Variants in ATP11B observed in about 807,000 individuals in gnomAD.
ATP11B encodes the protein ATPase phospholipid transporting 11B (putative).
Under a neutral mutation model 157.8 loss-of-function variants are expected in ATP11B, and 81 were observed. That is an observed-to-expected ratio of 0.51 (90% CI 0.43 to 0.62). The LOEUF (loss-of-function observed/expected upper bound fraction) is 0.62. Among genes scored for constraint, ATP11B ranks in the 20% least tolerant of loss-of-function variants. The pLI, the probability that ATP11B is intolerant of heterozygous loss-of-function variation, is 0.00. For synonymous variants in ATP11B, 451 were observed against 469.4 expected (o/e 0.96, Z 0.51); for missense variants, 1,165 against 1,402.2 (o/e 0.83, Z 2.70).
intron 1 of ATP11B, among the ~76,000 whole-genome samples, chr3:182,809,765 T>C (rs1157304505): frequency 6.6e-6 from 1 of 152,186 alleles, no homozygotes; most frequent in East Asian, 1.9e-4. Context: ...ATGAAATAGC[T>C]TAAGGCATAA....
rs149962754 is a variant in ATP11B at position 182,840,793 on chromosome 3, T to C, written c.657-1282T>C. 1.3e-3 allele frequency among the ~76,000 whole-genome samples: 204 copies of C among 152,304 alleles called. 1 individual carries two copies. The highest frequency in any genetic ancestry group is 4.8e-3 in the African/African-American group (199 of 41,560). ...CCAAAATCTGACCATCTTTTCCTAG[T>C]TTTGTCTGAGCCAGTACCATCTCCT... On this transcript the variant is annotated intron_variant, in intron 7 of 29. Coordinates refer to ENST00000323116, the MANE Select transcript of ATP11B (RefSeq NM_014616.3).
chr3:182,820,484 G>A (rs535539677), intron 2 of ATP11B, 108 bp downstream of exon 2: 7 of 751,714 alleles, frequency 9.3e-6, no homozygotes, highest in African/African-American at 1.8e-5. Context: ...AGGAGTTTGC[G>A]ACCAGTGTGG....
Position 182,828,109 on chromosome 3 carries a change from TTTC to T in ATP11B, c.145-8_145-6del. ...TTTTAAATATTAATTTATTGATCTC[TTTC>T]TTTTTAGTACACTGTGTGGAATTTT... On this transcript the variant is annotated splice_region_variant and splice_polypyrimidine_tract_variant and intron_variant, in intron 2 of 29. Transcript: ENST00000323116. The T allele has an allele frequency of 7.9e-7, 1 of 1,268,124 alleles. No homozygotes were observed. 78.6% of individuals were successfully genotyped at this position (1,268,124 alleles called of 1,614,324 possible).
intron 2 of ATP11B, among the ~76,000 whole-genome samples, chr3:182,826,516 C>T (rs1717730096): frequency 6.6e-6 from 1 of 152,128 alleles, no homozygotes; most frequent in Admixed American, 6.5e-5. Flanking sequence ...ACTTGACACA[C>T]AATTACCATC....
intron 8 of ATP11B, chr3:182,843,642 T>A (rs1719230319): frequency 6.6e-6 from 1 of 152,218 alleles, no homozygotes; most frequent in Non-Finnish European, 1.5e-5. Context: ...TTCAAAGACA[T>A]GCTGATAGGA....
intron 21 of ATP11B, among the ~76,000 whole-genome samples, chr3:182,883,866 A>C (rs1722608833): frequency 6.7e-6 from 1 of 148,312 alleles, no homozygotes; most frequent in African/African-American, 2.5e-5. Flanking sequence ...GAGGCAGGAG[A>C]ATGGCGTGAA....
At chr3:182,836,713 TTTACTA>T in intron 6 of ATP11B, 1 of 493,410 alleles carries the variant, frequency 2.0e-6, no homozygotes, top group African/African-American at 2.0e-5. Context: ...AATATAATCT[TTTACTA>T]TTTGTGGTAC....
intron 28 of ATP11B, among the ~76,000 whole-genome samples, chr3:182,906,801 G>A (rs1190604757): frequency 1.3e-5 from 2 of 150,214 alleles, no homozygotes; most frequent in Admixed American, 6.6e-5. Flanking sequence ...AGAAGAAGAA[G>A]AAGAAGGCCG....
intron 3 of ATP11B, among the ~76,000 whole-genome samples, chr3:182,828,497 T>C (rs1717879739): frequency 6.6e-6 from 1 of 152,204 alleles, no homozygotes; most frequent in Non-Finnish European, 1.5e-5. Flanking sequence ...CTTTCAGATA[T>C]TCTGCCTCAG....
chr3:182,800,861 A>G (rs1242957878), intron 1 of ATP11B, among the ~76,000 whole-genome samples: 1 of 148,406 alleles, frequency 6.7e-6, no homozygotes, highest in Non-Finnish European at 1.5e-5. Flanking sequence ...GCTCACTGCA[A>G]CCTCCGCCCC....
rs1721239517 is a variant in ATP11B, at chr3:182,866,439, G to A, written c.1615G>A (p.Ala539Thr). Reference protein sequence around the residue: ...PDEKALVEAAARIGIVFIGNS... With the variant: ...PDEKALVEAATRIGIVFIGNS... The stretch of plus-strand genomic sequence containing the variant: ...TGAAAAGGCTCTAGTAGAAGCTGCT[G>A]CAAGGTAATTTAGTCTGATTTCCAA... The change falls in exon 14 of 30, where the codon GCA becomes ACA. Residue 539 changes from alanine to threonine, a missense_variant. Transcript: ENST00000323116. The A allele has an allele frequency of 1.3e-6, 2 of 1,599,432 alleles. No homozygotes were observed. The highest frequency in any genetic ancestry group is 1.1e-5 in the South Asian group (1 of 88,850).
At chr3:182,827,345 CA>C (rs1303899364) in intron 2 of ATP11B, among the ~76,000 whole-genome samples, 1 of 151,998 alleles carries the variant, frequency 6.6e-6, no homozygotes, top group Non-Finnish European at 1.5e-5. Context: ...AGTGCTTCTT[CA>C]GTATGTTAGC....
intron 4 of ATP11B, among the ~76,000 whole-genome samples, chr3:182,832,919 C>T (rs575759821): frequency 8.6e-5 from 13 of 151,848 alleles, no homozygotes; most frequent in South Asian, 4.1e-4. Flanking sequence ...TGATCAGAGA[C>T]GGTTTTGTGG....
intron 2 of ATP11B, among the ~76,000 whole-genome samples, chr3:182,823,230 G>C (rs567428743): frequency 9.2e-5 from 14 of 152,310 alleles, no homozygotes; most frequent in Admixed American, 8.5e-4. Context: ...TTTTCTTCTA[G>C]GGTTTTTATG....
intron 10 of ATP11B, 40 bp from the exon 11 acceptor site, chr3:182,857,834 AATAC>A (rs1207989030): frequency 8.1e-7 from 1 of 1,235,000 alleles, no homozygotes; most frequent in Non-Finnish European, 1.2e-6. Context: ...TGAATATAGT[AATAC>A]ATGAGTTGTA....
intron 28 of ATP11B, among the ~76,000 whole-genome samples, chr3:182,912,655 T>G (rs184404949): frequency 8.0e-4 from 122 of 152,330 alleles, no homozygotes; most frequent in African/African-American, 2.8e-3. Flanking sequence ...TGTTGAATCT[T>G]CTGAGCATGG....
intron 1 of ATP11B, among the ~76,000 whole-genome samples, chr3:182,799,326 G>A (rs1200239016): frequency 3.3e-5 from 5 of 150,788 alleles, no homozygotes; most frequent in African/African-American, 4.9e-5. Flanking sequence ...TCGCCCAGGC[G>A]GAGTGCAGTT....
intron 21 of ATP11B, among the ~76,000 whole-genome samples, chr3:182,883,684 G>T (rs945724066): frequency 6.6e-6 from 1 of 151,598 alleles, no homozygotes; most frequent in African/African-American, 2.4e-5. Flanking sequence ...GGCCGGGCGC[G>T]GTGGCTCACG....
rs1577074984 is a variant in ATP11B, at chr3:182,884,826, C to G, written c.2583C>G (p.Ser861=). ...CAATAGCCAGATTTAAGTTCCTCTC[C>G]AAATTGCTTTTTGTTCATGGTCATT... is the stretch of plus-strand genomic sequence containing the variant. The part of the protein sequence containing the change: ...DYAIARFKFL[S]KLLFVHGHFY... Residue 861 remains serine (S), a synonymous_variant, in exon 22 of 30, where the codon TCC becomes TCG. Coordinates refer to ENST00000323116, the MANE Select transcript of ATP11B (RefSeq NM_014616.3). 2.5e-6 allele frequency: 4 copies of G among 1,601,094 alleles called. No individual in the cohort carries two copies. The highest frequency in any genetic ancestry group is 3.4e-6 in the Non-Finnish European group (4 of 1,174,002).
Sources: allele counts gnomAD v4.1 joint callset (sites outside exome capture counted in the v4.1 genomes callset), GRCh38; gene constraint gnomAD v4.1.1; transcripts MANE v1.5; gene names NCBI Gene and HGNC (gene_info 2026-07-23, HGNC 2026-07-21).